The following TMEM132D variants were observed in gnomAD, a reference collection of about 807,000 sequenced individuals.
The protein encoded by TMEM132D is transmembrane protein 132D.
TMEM132D carries 21 observed loss-of-function variants against 62.3 expected under a neutral mutation model. That is an observed-to-expected ratio of 0.34 (90% CI 0.24 to 0.49). The LOEUF (loss-of-function observed/expected upper bound fraction) is 0.49. Among genes scored for constraint, TMEM132D ranks in the 20% least tolerant of loss-of-function variants. TMEM132D has a pLI of 0.99. For missense variants in TMEM132D, 1,346 were observed against 1,402.8 expected (o/e 0.96, Z 0.65); for synonymous variants, 621 against 575.6 (o/e 1.08, Z -1.13).
At chr12:129,299,640 T>TC (rs1881661290) in intron 4 of TMEM132D, among the ~76,000 whole-genome samples, 1 of 151,636 alleles carries the variant, frequency 6.6e-6, no homozygotes, top group Admixed American at 6.6e-5. Flanking sequence ...TTTTTTTTTT[T>TC]TTTTTAGCTC....
At chr12:129,614,798 T>A (rs1878871305) in intron 2 of TMEM132D, among the ~76,000 whole-genome samples, 1 of 152,166 alleles carries the variant, frequency 6.6e-6, no homozygotes, top group Non-Finnish European at 1.5e-5. Flanking sequence ...CTCCCCGGAA[T>A]CCAAATGATA....
intron 3 of TMEM132D, among the ~76,000 whole-genome samples, chr12:129,494,993 G>A (rs531945273): frequency 5.9e-5 from 9 of 152,302 alleles, no homozygotes; most frequent in Admixed American, 2.6e-4. Context: ...AGGCACATAC[G>A]CTTGGTGTTG....
intron 3 of TMEM132D, among the ~76,000 whole-genome samples, chr12:129,343,605 A>G (rs1170626699): frequency 2.0e-5 from 3 of 152,042 alleles, no homozygotes; most frequent in Non-Finnish European, 4.4e-5. Flanking sequence ...AGACATCCCT[A>G]ATTTTGTTTT....
chr12:129,133,124 C>A (rs777509563), intron 5 of TMEM132D, among the ~76,000 whole-genome samples: 3 of 152,186 alleles, frequency 2.0e-5, no homozygotes, highest in Non-Finnish European at 4.4e-5. Flanking sequence ...ATCCTTCTTG[C>A]TTCCTGCTGT....
intron 1 of TMEM132D, among the ~76,000 whole-genome samples, chr12:129,818,777 G>C (rs1445622849): frequency 6.6e-6 from 1 of 152,004 alleles, no homozygotes. Flanking sequence ...GCTCACACCT[G>C]TAATCCCAGC....
chr12:129,279,529 T>C (rs1210878600), intron 4 of TMEM132D, among the ~76,000 whole-genome samples: 1 of 152,128 alleles, frequency 6.6e-6, no homozygotes, highest in Non-Finnish European at 1.5e-5. Flanking sequence ...TATTCTTTAA[T>C]ATTTGATTTC....
At position 129,223,223 on chromosome 12, in the gene TMEM132D, G is replaced by A. The variant is rs147641534; in HGVS notation, c.1300-13560C>T. Among the ~76,000 whole-genome samples the A allele has an allele frequency of 5.3e-4, 80 of 151,990 alleles. 1 individual carries two copies. The highest frequency in any genetic ancestry group is 1.6e-3 in the African/African-American group (66 of 41,538). ...GTATCACCTTTTGGAACCTAGCCCCGGAAGTAGCAAGCATCACTTCCTCTA... is the reference window on the plus strand; with the variant it reads ...GTATCACCTTTTGGAACCTAGCCCCAGAAGTAGCAAGCATCACTTCCTCTA... On this transcript the variant is annotated intron_variant, in intron 4 of 8. Coordinates refer to ENST00000422113, the MANE Select transcript of TMEM132D (RefSeq NM_133448.3).
chr12:129,768,305 T>C (rs567257223), intron 1 of TMEM132D, among the ~76,000 whole-genome samples: 1 of 152,306 alleles, frequency 6.6e-6, no homozygotes, highest in East Asian at 1.9e-4. Context: ...ATTGTTTCCA[T>C]AGCAGCTGTA....
intron 6 of TMEM132D, among the ~76,000 whole-genome samples, chr12:129,084,113 C>T (rs777047168): frequency 4.6e-4 from 70 of 152,162 alleles, no homozygotes; most frequent in Non-Finnish European, 8.5e-4. Flanking sequence ...CCTTGGTGCA[C>T]CTCTTCCTCT....
chr12:129,331,127 G>A (rs944466527), intron 4 of TMEM132D, among the ~76,000 whole-genome samples: 3 of 152,188 alleles, frequency 2.0e-5, no homozygotes, highest in African/African-American at 7.2e-5. Flanking sequence ...TGGGAGCTGG[G>A]CTCTAACGAG....
At chr12:129,205,904 C>T (rs551088408) in intron 5 of TMEM132D, among the ~76,000 whole-genome samples, 53 of 152,126 alleles carry the variant, frequency 3.5e-4, no homozygotes, top group African/African-American at 1.2e-3. Flanking sequence ...GTTAAACAAC[C>T]TACTCCTGAA....
At chr12:129,549,863 G>C (rs1167591086) in intron 2 of TMEM132D, among the ~76,000 whole-genome samples, 1 of 152,172 alleles carries the variant, frequency 6.6e-6, no homozygotes, top group African/African-American at 2.4e-5. Flanking sequence ...TCATGCCCTT[G>C]CTGAGGACAA....
intron 2 of TMEM132D, among the ~76,000 whole-genome samples, chr12:129,668,819 CT>C (rs1490787302): frequency 2.0e-5 from 3 of 152,166 alleles, no homozygotes; most frequent in Non-Finnish European, 2.9e-5. Context: ...TTTACCAAGG[CT>C]TTGACTGGAG....
At chr12:129,418,556 G>T (rs537713169) in intron 3 of TMEM132D, among the ~76,000 whole-genome samples, 75 of 152,092 alleles carry the variant, frequency 4.9e-4, no homozygotes, top group African/African-American at 1.8e-3. Flanking sequence ...ACCGGGGCCT[G>T]TTGGTGGGTG....
At chr12:129,886,461 G>A (rs1874751678) in intron 1 of TMEM132D, among the ~76,000 whole-genome samples, 1 of 152,156 alleles carries the variant, frequency 6.6e-6, no homozygotes, top group African/African-American at 2.4e-5. Flanking sequence ...CGTTAAGGAT[G>A]TAAAACAAAT....
At chr12:129,106,045 A>T (rs1487267940) in intron 5 of TMEM132D, among the ~76,000 whole-genome samples, 1 of 151,566 alleles carries the variant, frequency 6.6e-6, no homozygotes, top group Non-Finnish European at 1.5e-5. Context: ...AGACTGGATT[A>T]AGAAAATGTG....
intron 4 of TMEM132D, among the ~76,000 whole-genome samples, chr12:129,238,649 T>C (rs1043894905): frequency 6.6e-6 from 1 of 152,176 alleles, no homozygotes; most frequent in African/African-American, 2.4e-5. Context: ...TTGTAGCATA[T>C]GTCCAAATTT....
chr12:129,327,926 C>A (rs1382659444), intron 4 of TMEM132D, among the ~76,000 whole-genome samples: 4 of 152,204 alleles, frequency 2.6e-5, no homozygotes. Context: ...TCCCACCTAC[C>A]CTGAACTCAT....
intron 5 of TMEM132D, among the ~76,000 whole-genome samples, chr12:129,186,586 C>G (rs530776730): frequency 2.0e-5 from 3 of 152,286 alleles, no homozygotes; most frequent in African/African-American, 7.2e-5. Context: ...CCCTGTGAAT[C>G]CTGGAGCCAG....
Sources: gnomAD v4.1 joint callset for allele counts (sites outside exome capture counted in the v4.1 genomes callset) on GRCh38, gnomAD v4.1.1 for gene constraint, MANE v1.5 for transcripts, NCBI Gene and HGNC (gene_info 2026-07-23, HGNC 2026-07-21) for gene names.